The following VPS8 variants were observed in gnomAD, a reference collection of about 807,000 sequenced individuals.
VPS8 encodes the protein VPS8 subunit of CORVET complex.
In VPS8, 129 loss-of-function variants were observed where a neutral mutation model predicts 216.4. That is an observed-to-expected ratio of 0.60 (90% CI 0.52 to 0.69). The LOEUF is 0.69. Ranked by LOEUF, VPS8 falls within the 30% of genes least tolerant of loss-of-function variation. The probability of loss-of-function intolerance (pLI) is 0.00; values close to 1 mark genes in which losing one functional copy is unlikely to be tolerated. For missense variants in VPS8, 1,531 were observed against 1,683.5 expected (o/e 0.91, Z 1.59); for synonymous variants, 571 against 565.4 (o/e 1.01, Z -0.14).
intron 21 of VPS8, among the ~76,000 whole-genome samples, chr3:184,883,920 A>G (rs1284576785): frequency 6.6e-6 from 1 of 152,112 alleles, no homozygotes; most frequent in African/African-American, 2.4e-5. Flanking sequence ...ACATTCTTGT[A>G]TGGTACATTA....
chr3:184,956,353 C>T (rs1315703188), intron 36 of VPS8, among the ~76,000 whole-genome samples: 1 of 152,250 alleles, frequency 6.6e-6, no homozygotes, highest in East Asian at 1.9e-4. Context: ...AGCAATCTTA[C>T]TTCACTACAG....
intron 23 of VPS8, among the ~76,000 whole-genome samples, chr3:184,897,920 A>G (rs1309203820): frequency 2.0e-5 from 3 of 151,456 alleles, no homozygotes; most frequent in Non-Finnish European, 4.4e-5. Context: ...CTTCATCCTC[A>G]CTCTTGCTTC....
intron 10 of VPS8, among the ~76,000 whole-genome samples, chr3:184,851,698 G>C (rs1415686977): frequency 2.0e-5 from 3 of 152,196 alleles, no homozygotes; most frequent in Admixed American, 6.5e-5. Flanking sequence ...CTATGCGTGT[G>C]TTTGGGTCAA....
intron 47 of VPS8, among the ~76,000 whole-genome samples, chr3:185,049,137 C>T (rs1239685337): frequency 6.6e-6 from 1 of 152,080 alleles, no homozygotes; most frequent in Admixed American, 6.5e-5. Context: ...GAATTTAGAC[C>T]CATGACCATA....
chr3:184,924,039 A>C (rs1739130352), intron 29 of VPS8, among the ~76,000 whole-genome samples: 1 of 152,214 alleles, frequency 6.6e-6, no homozygotes, highest in African/African-American at 2.4e-5. Context: ...ATAGCATCTT[A>C]CACATAGTGA....
chr3:184,926,880 T>C (rs1469761331), intron 31 of VPS8, among the ~76,000 whole-genome samples: 4 of 152,178 alleles, frequency 2.6e-5, no homozygotes, highest in Non-Finnish European at 5.9e-5. Context: ...CTGTCTTGTA[T>C]CTACCGTGAC....
chr3:184,989,487 C>T (rs1751579247), intron 42 of VPS8, among the ~76,000 whole-genome samples: 1 of 151,778 alleles, frequency 6.6e-6, no homozygotes, highest in Admixed American at 6.6e-5. Flanking sequence ...AAGCAGGTCT[C>T]ACCCTGGGCT....
intron 36 of VPS8, among the ~76,000 whole-genome samples, chr3:184,954,404 A>G (rs1284960507): frequency 6.6e-6 from 1 of 152,122 alleles, no homozygotes; most frequent in Non-Finnish European, 1.5e-5. Context: ...CTGGGGTGGG[A>G]CTGAAAGTTC....
rs1030413466 is a variant in VPS8 at position 184,983,042 on chromosome 3, A to G, written c.3533A>G (p.Asn1178Ser). ...AAGTCTTTGACCATGCAAGTTTTAAATAGCATGGCAGCATTTATTGCCCTT... is the reference window on the plus strand; with the variant it reads ...AAGTCTTTGACCATGCAAGTTTTAAGTAGCATGGCAGCATTTATTGCCCTT... ...ALKSLTMQVL[N>S]SMAAFIALPS... is the part of the protein sequence containing the mutation. The change falls in exon 42 of 48, where the codon AAT becomes AGT. Residue 1178 changes from asparagine (N) to serine (S), a missense_variant. Around this residue, in one of 3 missense-constraint regions of VPS8, gnomAD observed 1,318 missense variants for 1,468.4 expected, o/e 0.90. Transcript: ENST00000625842. 3.1e-6 allele frequency: 5 copies of G among 1,609,544 alleles called. No homozygotes were observed. Among genetic ancestry groups the G allele is most frequent in the Non-Finnish European group, 4.2e-6 (5 of 1,177,564 alleles).
chr3:184,852,562 A>G lies in VPS8; in HGVS notation c.816A>G (p.Thr272=). ...GCGGAGGCTCTGTTTTTGAATTGAC[A>G]TTTAAGTAAGAGACTAGTGGACATT... ...NDSGGSVFEL[T]FKRVMGVRTC... Residue 272 remains threonine (T), a synonymous_variant, in exon 11 of 48, where the codon ACA becomes ACG. Transcript: ENST00000625842. 6.2e-7 allele frequency: 1 copy of G among 1,613,518 alleles called. No homozygotes were observed. The highest frequency in any genetic ancestry group is 1.3e-5 in the African/African-American group (1 of 75,030).
chr3:184,928,462 A>C lies in VPS8; in HGVS notation c.2643A>C (p.Glu881Asp). The change falls in exon 32 of 48, where the codon GAA becomes GAC. Residue 881 changes from glutamate to aspartate, a missense_variant. Physicochemically the swap from Glu to Asp is conservative, Grantham distance 45. Transcript: ENST00000625842. ...TTGTAAATACTCAGGTCCTTTTAGA[A>C]TTGCTGCAGGCTGGAGGCATAGTTC... ...RHSERQQVLL[E>D]LLQAGGIVQF... 1 of 1,530,666 alleles carries C rather than the reference A, an allele frequency of 6.5e-7. No homozygotes were observed. Among genetic ancestry groups the C allele is most frequent in the Non-Finnish European group, 8.7e-7 (1 of 1,151,550 alleles). 94.8% of individuals were successfully genotyped at this position (1,530,666 alleles called of 1,614,324 possible).
chr3:184,967,059 C>G (rs1747539772), intron 39 of VPS8, among the ~76,000 whole-genome samples: 2 of 151,958 alleles, frequency 1.3e-5, no homozygotes, highest in Admixed American at 1.3e-4. Flanking sequence ...CTCCATCTTC[C>G]AGGCTTAAGC....
chr3:184,820,431 A>G (rs1717328139), intron 1 of VPS8, among the ~76,000 whole-genome samples: 1 of 152,114 alleles, frequency 6.6e-6, no homozygotes, highest in Non-Finnish European at 1.5e-5. Flanking sequence ...ATTACATTGG[A>G]CCCACCCAAA....
chr3:184,860,491 A>ACG (rs928676859), intron 15 of VPS8, among the ~76,000 whole-genome samples: 2 of 151,830 alleles, frequency 1.3e-5, no homozygotes, highest in Admixed American at 6.6e-5. Flanking sequence ...ACACACACAC[A>ACG]CACACACACA....
intron 36 of VPS8, among the ~76,000 whole-genome samples, chr3:184,946,633 C>T: frequency 6.6e-6 from 1 of 152,150 alleles, no homozygotes; most frequent in East Asian, 1.9e-4. Flanking sequence ...TTCAGGCCCA[C>T]CTGGCCAGCA....
At chr3:184,922,962 A>AAT (rs754083210) in intron 29 of VPS8, among the ~76,000 whole-genome samples, 25 of 151,802 alleles carry the variant, frequency 1.6e-4, no homozygotes, top group South Asian at 1.0e-3. Context: ...TATATATAAG[A>AAT]ATATATATAT....
chr3:184,817,014 A>G (rs1003094902), intron 1 of VPS8, among the ~76,000 whole-genome samples: 1 of 152,154 alleles, frequency 6.6e-6, no homozygotes, highest in South Asian at 2.1e-4. Flanking sequence ...CACTGTATTC[A>G]TCTTGGCCTC....
chr3:184,926,078 T>C (rs1739559401), intron 30 of VPS8, among the ~76,000 whole-genome samples: 2 of 147,052 alleles, frequency 1.4e-5, no homozygotes, highest in African/African-American at 5.0e-5. Flanking sequence ...CCTAGCCTCT[T>C]AGAGTTATGT....
At chr3:184,835,947 G>C (rs1268556240) in intron 5 of VPS8, among the ~76,000 whole-genome samples, 1 of 152,012 alleles carries the variant, frequency 6.6e-6, no homozygotes, top group Non-Finnish European at 1.5e-5. Context: ...CTGACCTTGT[G>C]ATCCGCCCGC....
Sources: gnomAD v4.1 joint callset for allele counts (sites outside exome capture counted in the v4.1 genomes callset) on GRCh38, gnomAD v4.1.1 for gene constraint, gnomAD v4.1.1 regional missense constraint, MANE v1.5 for transcripts, NCBI Gene and HGNC (gene_info 2026-07-23, HGNC 2026-07-21) for gene names.